FAT3: variants seen among roughly 807,000 people sequenced by gnomAD.
FAT3 encodes the protein protocadherin Fat 3.
Under a neutral mutation model 310.2 loss-of-function variants are expected in FAT3, and 95 were observed. The observed-to-expected ratio is 0.31, with a 90% confidence interval of 0.26 to 0.36. The LOEUF (loss-of-function observed/expected upper bound fraction) is 0.36. Ranked by LOEUF, FAT3 falls within the 10% of genes least tolerant of loss-of-function variation. The pLI is 1.00. For missense variants in FAT3, 5,408 were observed against 5,715.6 expected, an observed-to-expected ratio of 0.95 and a Z score of 1.74; for synonymous variants, 2,314 against 2,192.9, an observed-to-expected ratio of 1.06 and a Z score of -1.54.
intron 2 of FAT3, among the ~76,000 whole-genome samples, chr11:92,506,361 C>A (rs537244292): frequency 3.9e-5 from 6 of 152,236 alleles, no homozygotes; most frequent in Non-Finnish European, 8.8e-5. Context: ...TATTGTCTGA[C>A]CTAAATTGAG....
intron 13 of FAT3, among the ~76,000 whole-genome samples, chr11:92,818,531 A>AC (rs112016521): frequency 0.019 from 2,947 of 152,154 alleles, 104 homozygotes; most frequent in African/African-American, 0.067. Context: ...CTGAGACAGC[A>AC]CCCCTGGGTT....
intron 6 of FAT3, among the ~76,000 whole-genome samples, chr11:92,773,014 G>A (rs1212162761): frequency 1.3e-5 from 2 of 152,130 alleles, no homozygotes; most frequent in Non-Finnish European, 2.9e-5. Context: ...ATATGCTGTA[G>A]TTAAATAAAA....
intron 21 of FAT3, among the ~76,000 whole-genome samples, chr11:92,864,279 TCAC>T (rs1455652096): frequency 5.9e-5 from 9 of 152,256 alleles, no homozygotes; most frequent in Admixed American, 3.9e-4. Flanking sequence ...AATTGCACTC[TCAC>T]CACCAATTTT....
intron 3 of FAT3, among the ~76,000 whole-genome samples, chr11:92,660,511 G>A (rs1185570072): frequency 6.6e-6 from 1 of 152,172 alleles, no homozygotes; most frequent in Admixed American, 6.5e-5. Context: ...ATGTCCAAGA[G>A]CAATAACCAA....
intron 3 of FAT3, among the ~76,000 whole-genome samples, chr11:92,589,833 A>C (rs2135555980): frequency 6.6e-6 from 1 of 152,246 alleles, no homozygotes; most frequent in African/African-American, 2.4e-5. Context: ...ACTGTTTGTC[A>C]TAAAGGGATG....
At chr11:92,838,044 CACA>C (rs1271562980) in intron 17 of FAT3, among the ~76,000 whole-genome samples, 1 of 152,110 alleles carries the variant, frequency 6.6e-6, no homozygotes, top group Non-Finnish European at 1.5e-5. Context: ...TGTCTCTCCC[CACA>C]ACAACACTGT....
At chr11:92,661,192 C>G (rs1401761024) in intron 3 of FAT3, among the ~76,000 whole-genome samples, 1 of 152,170 alleles carries the variant, frequency 6.6e-6, no homozygotes, top group Non-Finnish European at 1.5e-5. Flanking sequence ...AGAAGGGTGG[C>G]TTTCCAGGGA....
At chr11:92,240,433 A>G (rs911578468) in intron 1 of FAT3, among the ~76,000 whole-genome samples, 1 of 151,966 alleles carries the variant, frequency 6.6e-6, no homozygotes, top group African/African-American at 2.4e-5. Context: ...TTTTGCAGCC[A>G]TGGCTGTATG....
intron 22 of FAT3, among the ~76,000 whole-genome samples, chr11:92,871,970 A>C (rs906140041): frequency 1.3e-5 from 2 of 152,088 alleles, no homozygotes; most frequent in South Asian, 4.1e-4. Context: ...GCACTTAAAA[A>C]AAAAAATTAG....
chr11:92,486,907 C>T (rs1253257683), intron 2 of FAT3, among the ~76,000 whole-genome samples: 1 of 152,150 alleles, frequency 6.6e-6, no homozygotes, highest in Non-Finnish European at 1.5e-5. Flanking sequence ...TACTAGCAAT[C>T]ATTTCATTAA....
intron 4 of FAT3, among the ~76,000 whole-genome samples, chr11:92,752,739 C>A (rs983931385): frequency 3.3e-5 from 5 of 152,128 alleles, no homozygotes; most frequent in African/African-American, 1.2e-4. Context: ...ATGGCTGCTA[C>A]CCAAAATAAG....
Position 92,800,302 on chromosome 11 carries a change from A to G in FAT3, c.7289A>G (p.Glu2430Gly). Residue 2430 changes from glutamate (E) to glycine (G), a missense_variant, in exon 10 of 28, where the codon GAA becomes GGA. Transcript: ENST00000525166. ...GACAGCTCTGATTTTGACCGGTTGG[A>G]ATATAGCATTTTATCTGGGAATGAC... ...DADSSDFDRL[E>G]YSILSGNDRT... 6.2e-7 allele frequency: 1 copy of G among 1,613,816 alleles called. No individual in the cohort carries two copies. Among genetic ancestry groups the G allele is most frequent in the Non-Finnish European group, 8.5e-7 (1 of 1,179,766 alleles).
chr11:92,735,698 C>T (rs1005578377), intron 4 of FAT3, among the ~76,000 whole-genome samples: 6 of 151,490 alleles, frequency 4.0e-5, no homozygotes, highest in East Asian at 1.9e-4. Context: ...CATAAACCTG[C>T]GTTTAAAACC....
chr11:92,762,140 G>A lies in FAT3; in HGVS notation c.3954G>A (p.Gln1318=). The change falls in exon 5 of 28, where the codon CAG becomes CAA. Residue 1318 remains glutamine, a synonymous_variant. Transcript: ENST00000525166. ...CTGGGATGGTTTCTTCTAGAAAGCA[G>A]TTTACAGCAGGCAGTTATGACATCC... ...PKTGMVSSRK[Q]FTAGSYDILT... 1 of 1,613,030 alleles carries A rather than the reference G, an allele frequency of 6.2e-7. No homozygotes were observed.
In FAT3 at chr11:92,800,711, G is replaced by A. The variant is rs776365705; in HGVS notation, c.7698G>A (p.Gly2566=). The change falls in exon 10 of 28, where the codon GGG becomes GGA. Residue 2566 remains glycine (G), a synonymous_variant. Coordinates refer to ENST00000525166, the MANE Select transcript of FAT3 (RefSeq NM_001367949.2). ...TAGACCGGGAAAACCCTCTAGAAGGGGATGTTAGTATTTTTGTGAGGGCCC... is the reference window on the plus strand; with the variant it reads ...TAGACCGGGAAAACCCTCTAGAAGGAGATGTTAGTATTTTTGTGAGGGCCC... ...ERLDRENPLE[G]DVSIFVRALD... 11 of 1,613,728 alleles carry A rather than the reference G, an allele frequency of 6.8e-6. No individual in the cohort carries two copies. Among genetic ancestry groups the A allele is most frequent in the Non-Finnish European group, 9.3e-6 (11 of 1,179,856 alleles).
chr11:92,239,064 T>C (rs1864555857), intron 1 of FAT3, among the ~76,000 whole-genome samples: 1 of 152,150 alleles, frequency 6.6e-6, no homozygotes, highest in African/African-American at 2.4e-5. Flanking sequence ...AATACTATTA[T>C]TATCTCTACC....
At chr11:92,740,066 C>T (rs1426160676) in intron 4 of FAT3, among the ~76,000 whole-genome samples, 2 of 152,016 alleles carry the variant, frequency 1.3e-5, no homozygotes, top group African/African-American at 4.8e-5. Context: ...AGTATGACTC[C>T]GGCCTGAATT....
intron 7 of FAT3, among the ~76,000 whole-genome samples, 167 bp from the exon 8 acceptor site, chr11:92,789,776 C>T (rs2136154584): frequency 6.6e-6 from 1 of 152,230 alleles, no homozygotes; most frequent in Admixed American, 6.5e-5. Flanking sequence ...TATTGTCAAC[C>T]TCTAATTACA....
At chr11:92,282,690 C>T (rs1946461318) in intron 1 of FAT3, among the ~76,000 whole-genome samples, 1 of 151,602 alleles carries the variant, frequency 6.6e-6, no homozygotes, top group South Asian at 2.1e-4. Context: ...GTAAATCACA[C>T]ATATATGTAA....
Sources: gnomAD v4.1 joint callset for allele counts (sites outside exome capture counted in the v4.1 genomes callset) on GRCh38, gnomAD v4.1.1 for gene constraint, MANE v1.5 for transcripts, NCBI Gene and HGNC (gene_info 2026-07-23, HGNC 2026-07-21) for gene names.